Variants in ROBO1 observed in about 807,000 individuals in gnomAD.
ROBO1 encodes roundabout guidance receptor 1.
ROBO1 carries 149 observed loss-of-function variants against 195.9 expected under a neutral mutation model. That is an observed-to-expected ratio of 0.76 (90% CI 0.67 to 0.87). ROBO1 has a LOEUF of 0.87. ROBO1 is among the 40% of genes least tolerant of loss of function. The pLI, the probability that ROBO1 is intolerant of heterozygous loss-of-function variation, is 0.00. For missense variants in ROBO1, 1,933 were observed against 2,068.3 expected, an observed-to-expected ratio of 0.93 and a Z score of 1.27; for synonymous variants, 816 against 733.2, an observed-to-expected ratio of 1.11 and a Z score of -1.82.
chr3:79,705,085 C>T (rs1172015025), intron 1 of ROBO1, among the ~76,000 whole-genome samples: 1 of 151,814 alleles, frequency 6.6e-6, no homozygotes, highest in Non-Finnish European at 1.5e-5. Context: ...AGACAATAAT[C>T]CTTTTCAGAT....
chr3:79,753,103 G>C (rs1188386755), intron 1 of ROBO1, among the ~76,000 whole-genome samples: 3 of 152,042 alleles, frequency 2.0e-5, no homozygotes, highest in East Asian at 1.9e-4. Context: ...AAGCTGGAGA[G>C]ACAGAGATCA....
intron 4 of ROBO1, among the ~76,000 whole-genome samples, chr3:78,876,727 C>T (rs114254018): frequency 1.1e-4 from 17 of 152,274 alleles, no homozygotes; most frequent in Non-Finnish European, 2.2e-4. Flanking sequence ...AAAGAACGTA[C>T]TGTGGAATAG....
At chr3:79,055,736 A>C (rs2108382579) in intron 3 of ROBO1, among the ~76,000 whole-genome samples, 1 of 152,136 alleles carries the variant, frequency 6.6e-6, no homozygotes, top group South Asian at 2.1e-4. Flanking sequence ...GGGATTACTA[A>C]ACCCCTCCAA....
At chr3:79,509,333 C>A (rs1481042375) in intron 2 of ROBO1, among the ~76,000 whole-genome samples, 1 of 151,946 alleles carries the variant, frequency 6.6e-6, no homozygotes, top group Non-Finnish European at 1.5e-5. Context: ...TTAAACACCT[C>A]TCTTTTTAAT....
chr3:79,197,600 T>C (rs758349822), intron 2 of ROBO1, among the ~76,000 whole-genome samples: 4 of 152,108 alleles, frequency 2.6e-5, no homozygotes, highest in Non-Finnish European at 4.4e-5. Flanking sequence ...TCTAGATCCT[T>C]GAGGAATCAC....
intron 2 of ROBO1, among the ~76,000 whole-genome samples, chr3:79,155,766 G>A (rs2080848063): frequency 6.6e-6 from 1 of 151,800 alleles, no homozygotes; most frequent in Non-Finnish European, 1.5e-5. Context: ...GAAAGTGATA[G>A]AGTCAGAACT....
At chr3:79,448,043 T>C (rs1345701733) in intron 2 of ROBO1, among the ~76,000 whole-genome samples, 1 of 152,216 alleles carries the variant, frequency 6.6e-6, no homozygotes, top group African/African-American at 2.4e-5. Context: ...AGTACTCTTT[T>C]TGGTATGTTA....
chr3:78,883,487 T>G (rs537140100), intron 4 of ROBO1, among the ~76,000 whole-genome samples: 1 of 152,094 alleles, frequency 6.6e-6, no homozygotes, highest in African/African-American at 2.4e-5. Flanking sequence ...CCTCAGGCAA[T>G]CCTCCCACCT....
intron 4 of ROBO1, among the ~76,000 whole-genome samples, chr3:78,926,524 T>C (rs1430169990): frequency 6.6e-6 from 1 of 152,080 alleles, no homozygotes; most frequent in African/African-American, 2.4e-5. Flanking sequence ...GGATGGATAA[T>C]GGCATCATTA....
intron 4 of ROBO1, among the ~76,000 whole-genome samples, chr3:78,828,707 T>G (rs941769382): frequency 6.6e-6 from 1 of 152,186 alleles, no homozygotes; most frequent in African/African-American, 2.4e-5. Context: ...TTCTCCTCAT[T>G]TTTCAAGACA....
At chr3:79,659,067 C>T (rs1025075845) in intron 1 of ROBO1, among the ~76,000 whole-genome samples, 2 of 152,014 alleles carry the variant, frequency 1.3e-5, no homozygotes, top group Non-Finnish European at 1.5e-5. Context: ...GTTCAATTAA[C>T]GTAGCATTAA....
At chr3:79,489,906 T>C (rs760090610) in intron 2 of ROBO1, among the ~76,000 whole-genome samples, 5 of 152,126 alleles carry the variant, frequency 3.3e-5, no homozygotes, top group Non-Finnish European at 7.3e-5. Context: ...AGATTTCATA[T>C]AATATGTATT....
Position 79,145,573 on chromosome 3 carries a change from A to G in ROBO1, c.89-20034T>C, listed in dbSNP as rs945789528. On this transcript the variant is annotated intron_variant, in intron 2 of 30. Transcript: ENST00000464233. Reference sequence around the variant, plus strand: ...TAAGACTTTGTAACAAACCTTATGTAAGCTAAAAAATTGATTATGAAGCTA... The same window carrying G: ...TAAGACTTTGTAACAAACCTTATGTGAGCTAAAAAATTGATTATGAAGCTA... Among the ~76,000 whole-genome samples, 3 of 152,154 alleles carry G rather than the reference A, an allele frequency of 2.0e-5. No homozygotes were observed. In the East Asian group the frequency reaches 5.8e-4, roughly 30 times the overall value.
intron 18 of ROBO1, among the ~76,000 whole-genome samples, chr3:78,653,296 C>T (rs1051287275): frequency 2.0e-5 from 3 of 152,062 alleles, no homozygotes; most frequent in Non-Finnish European, 4.4e-5. Context: ...TTACGGTGGC[C>T]ACCTCCCTGT....
chr3:79,365,189 A>G (rs1459017388), intron 2 of ROBO1, among the ~76,000 whole-genome samples: 3 of 152,080 alleles, frequency 2.0e-5, no homozygotes, highest in African/African-American at 4.8e-5. Flanking sequence ...TTAGAATCCA[A>G]ATTTCATCTA....
At chr3:78,844,282 G>T (rs981562483) in intron 4 of ROBO1, among the ~76,000 whole-genome samples, 1 of 152,066 alleles carries the variant, frequency 6.6e-6, no homozygotes, top group Non-Finnish European at 1.5e-5. Context: ...GCTTCTAAGA[G>T]AATTGTTTGT....
At chr3:79,385,926 T>C (rs747982541) in intron 2 of ROBO1, among the ~76,000 whole-genome samples, 19 of 152,194 alleles carry the variant, frequency 1.2e-4, no homozygotes, top group Non-Finnish European at 2.6e-4. Context: ...TCTACACATT[T>C]ATATTATTTT....
chr3:78,935,761 G>A (rs1338350440), intron 4 of ROBO1, among the ~76,000 whole-genome samples: 1 of 151,900 alleles, frequency 6.6e-6, no homozygotes, highest in African/African-American at 2.4e-5. Context: ...TTATTGGTTT[G>A]CAAAGAAAAA....
intron 4 of ROBO1, among the ~76,000 whole-genome samples, chr3:78,826,816 C>T (rs1003797309): frequency 6.6e-6 from 1 of 152,006 alleles, no homozygotes; most frequent in African/African-American, 2.4e-5. Context: ...GTATTGACAC[C>T]CTCCAGTTGT....
Sources: gnomAD v4.1 joint callset for allele counts (sites outside exome capture counted in the v4.1 genomes callset) on GRCh38, gnomAD v4.1.1 for gene constraint, MANE v1.5 for transcripts, NCBI Gene and HGNC (gene_info 2026-07-23, HGNC 2026-07-21) for gene names.